The following TEC variants were observed in gnomAD, a reference collection of about 807,000 sequenced individuals.
TEC encodes the protein tec protein tyrosine kinase, also known as tyrosine-protein kinase Tec.
In TEC, 72 loss-of-function variants were observed where a neutral mutation model predicts 93.0. The observed-to-expected ratio is 0.77, with a 90% CI of 0.64 to 0.94. The LOEUF is 0.94. Among genes scored for constraint, TEC ranks in the 40% least tolerant of loss-of-function variants. The probability of loss-of-function intolerance (pLI) is 0.00; values close to 1 mark genes in which losing one functional copy is unlikely to be tolerated. For missense variants in TEC, 630 were observed against 757.9 expected, an observed-to-expected ratio of 0.83 and a Z score of 1.98; for synonymous variants, 249 against 247.7, an observed-to-expected ratio of 1.01 and a Z score of -0.05.
At chr4:48,168,704 A>G (rs1720976880) in intron 5 of TEC, 78 bp from the exon 6 acceptor site, 1 of 1,500,170 alleles carries the variant, frequency 6.7e-7, no homozygotes, top group Non-Finnish European at 9.1e-7. Flanking sequence ...GGTAGTTTTA[A>G]GGAAAAGTGG....
At chr4:48,209,479 T>G (rs564459155) in intron 2 of TEC, among the ~76,000 whole-genome samples, 24 of 152,056 alleles carry the variant, frequency 1.6e-4, no homozygotes, top group African/African-American at 5.8e-4. Context: ...TTGGGCATGG[T>G]AGCAAACGCC....
In TEC at chr4:48,163,718, T is replaced by G. The variant is rs1242626865; in HGVS notation, c.721A>C (p.Asn241His). The change falls in exon 8 of 18, where the codon AAC (asparagine) becomes CAC (histidine). Residue 241 changes from asparagine to histidine, a missense_variant. Transcript: ENST00000381501. The part of the protein sequence containing the change: ...SNYVTGKKSN[N>H]LDQYEWYCRN... ...TTTACTTACTCATATTGATCTAAGTTGTTTGATTTCTTTCCCGTTACGTAA... is the reference window on the plus strand; with the variant it reads ...TTTACTTACTCATATTGATCTAAGTGGTTTGATTTCTTTCCCGTTACGTAA... The G allele has an allele frequency of 6.7e-7, 1 of 1,496,146 alleles. No homozygotes were observed. The highest frequency in any genetic ancestry group is 9.1e-7 in the Non-Finnish European group (1 of 1,101,080). The allele number at this position is 1,496,146 out of a possible 1,614,324, so 92.7% of individuals were successfully genotyped here. A position where few individuals can be genotyped will look rare whatever the true frequency, so the allele number is the denominator to read the frequency against.
chr4:48,264,485 C>G (rs776075567), intron 1 of TEC, among the ~76,000 whole-genome samples: 72 of 152,172 alleles, frequency 4.7e-4, no homozygotes, highest in Non-Finnish European at 1.5e-4. Context: ...CAACCAGGCT[C>G]TCTGTCAATC....
At chr4:48,151,245 G>T (rs1720151642) in intron 9 of TEC, among the ~76,000 whole-genome samples, 1 of 152,134 alleles carries the variant, frequency 6.6e-6, no homozygotes, top group Admixed American at 6.5e-5. Context: ...TTCCAGAACT[G>T]AGAGACAAGA....
At chr4:48,145,692 C>A in intron 12 of TEC, 113 bp from the exon 13 acceptor site, 1 of 1,149,226 alleles carries the variant, frequency 8.7e-7, no homozygotes, top group East Asian at 2.4e-5. Context: ...CAGGATAACA[C>A]TGTAATAATT....
intron 2 of TEC, among the ~76,000 whole-genome samples, chr4:48,226,056 C>A (rs947510520): frequency 1.3e-5 from 2 of 152,042 alleles, no homozygotes; most frequent in Admixed American, 1.3e-4. Context: ...AGATGGTGAG[C>A]GAGGTTCTGA....
At chr4:48,237,881 T>A (rs1258112440) in intron 1 of TEC, among the ~76,000 whole-genome samples, 2 of 152,216 alleles carry the variant, frequency 1.3e-5, no homozygotes, top group Non-Finnish European at 1.5e-5. Context: ...GTTTGCAATT[T>A]TAGGAAATTT....
At chr4:48,245,605 T>C (rs1335234218) in intron 1 of TEC, among the ~76,000 whole-genome samples, 2 of 152,356 alleles carry the variant, frequency 1.3e-5, no homozygotes, top group African/African-American at 4.8e-5. Context: ...GCATTACTAT[T>C]ACTATTAATC....
intron 2 of TEC, among the ~76,000 whole-genome samples, chr4:48,210,512 GGAGGATGAT>G (rs1258810699): frequency 2.0e-4 from 29 of 143,974 alleles, no homozygotes; most frequent in Admixed American, 7.5e-4. Context: ...AGGAGGAGGA[GGAGGATGAT>G]GAGGAGGAGG....
chr4:48,255,142 C>T (rs1441938715), intron 1 of TEC, among the ~76,000 whole-genome samples: 2 of 152,210 alleles, frequency 1.3e-5, no homozygotes, highest in Non-Finnish European at 2.9e-5. Context: ...AGTCCTGGCA[C>T]AGCTGACTCC....
At chr4:48,208,774 A>T (rs1241409196) in intron 2 of TEC, among the ~76,000 whole-genome samples, 1 of 152,172 alleles carries the variant, frequency 6.6e-6, no homozygotes, top group Non-Finnish European at 1.5e-5. Flanking sequence ...ATTCCAGGAC[A>T]GCAGGGCATT....
chr4:48,138,703 T>C lies in TEC; in HGVS notation c.1774A>G (p.Asn592Asp), dbSNP rs759553648. The part of the protein sequence containing the change: ...HRLYQPKLAS[N>D]YVYEVMLRCW... ...CTCAGCATCACCTCATACACATAGT[T>C]GGACGCCAACTTCGGCTGGTAGAGT... The change falls in exon 17 of 18, where the codon AAC becomes GAC. Residue 592 changes from asparagine to aspartate, a missense_variant. By Grantham distance (23) the Asn-to-Asp change is conservative. This residue lies in a region of TEC where 289 missense variants were observed against 390.0 expected (regional missense o/e 0.74). Coordinates refer to ENST00000381501, the MANE Select transcript of TEC (RefSeq NM_003215.3). 6.2e-7 allele frequency: 1 copy of C among 1,614,084 alleles called. No individual in the cohort carries two copies. The highest frequency in any genetic ancestry group is 2.2e-5 in the East Asian group (1 of 44,896).
intron 1 of TEC, among the ~76,000 whole-genome samples, chr4:48,266,881 G>A (rs1345479880): frequency 1.3e-5 from 2 of 151,726 alleles, no homozygotes; most frequent in South Asian, 2.1e-4. Flanking sequence ...TGGCTTAGCT[G>A]TGAATTTTGA....
intron 2 of TEC, among the ~76,000 whole-genome samples, chr4:48,226,181 A>G (rs1232623947): frequency 2.0e-5 from 3 of 152,212 alleles, no homozygotes; most frequent in Non-Finnish European, 4.4e-5. Context: ...ATATATTTCA[A>G]TAGTAACTGC....
intron 1 of TEC, among the ~76,000 whole-genome samples, chr4:48,238,317 C>T (rs1468531227): frequency 6.6e-6 from 1 of 152,188 alleles, no homozygotes; most frequent in African/African-American, 2.4e-5. Context: ...TCCTTTCAGC[C>T]AGTTGATATG....
chr4:48,201,822 G>A (rs1390293340), intron 2 of TEC, among the ~76,000 whole-genome samples: 5 of 152,160 alleles, frequency 3.3e-5, no homozygotes, highest in African/African-American at 9.7e-5. Flanking sequence ...CCATGCCAGA[G>A]GAGGGGAGGA....
At chr4:48,174,542 C>T (rs1341376812) in intron 3 of TEC, among the ~76,000 whole-genome samples, 2 of 151,894 alleles carry the variant, frequency 1.3e-5, no homozygotes, top group African/African-American at 4.8e-5. Context: ...GCCTATAATC[C>T]CAGCTACTTG....
chr4:48,202,677 C>A (rs1018769677), intron 2 of TEC, among the ~76,000 whole-genome samples: 4 of 152,200 alleles, frequency 2.6e-5, no homozygotes, highest in African/African-American at 9.6e-5. Context: ...GTAGTTGTAT[C>A]ATTTCAATTG....
chr4:48,259,571 C>G (rs1319336730), intron 1 of TEC, among the ~76,000 whole-genome samples: 1 of 152,000 alleles, frequency 6.6e-6, no homozygotes, highest in Non-Finnish European at 1.5e-5. Context: ...CAAAAAATAG[C>G]CGGGCGTGGT....
Sources: allele counts gnomAD v4.1 joint callset (sites outside exome capture counted in the v4.1 genomes callset), GRCh38; gene constraint gnomAD v4.1.1; regional missense constraint gnomAD v4.1.1; transcripts MANE v1.5; gene names NCBI Gene and HGNC (gene_info 2026-07-23, HGNC 2026-07-21).